INTS14: variants seen among roughly 807,000 people sequenced by gnomAD.
INTS14 encodes integrator complex subunit 14, also known as UPF0464 protein C15orf44.
INTS14 carries 27 observed loss-of-function variants against 56.9 expected under a neutral mutation model. The observed-to-expected ratio is 0.47, with a 90% CI of 0.35 to 0.65. INTS14 has a LOEUF of 0.65. INTS14 is among the 30% of genes least tolerant of loss of function. INTS14 has a pLI of 0.00. For missense variants in INTS14, 517 were observed against 632.2 expected (o/e 0.82, Z 1.95); for synonymous variants, 207 against 236.2 (o/e 0.88, Z 1.13).
chr15:65,579,785 T>A (rs1188847923), intron 11 of INTS14, 126 bp from the exon 12 acceptor site: 11 of 1,372,382 alleles, frequency 8.0e-6, no homozygotes, highest in African/African-American at 1.5e-5. Flanking sequence ...TGAGAACAAA[T>A]GTTTATTTAG....
chr15:65,601,313 G>A lies in INTS14; in HGVS notation c.331-1384C>T, dbSNP rs1478403331. Reference sequence around the variant, plus strand: ...GATTATTTTTGCTCTCCCTAGCCTAGTCCAGTAACTTGATAACAATAGGCC... The same window carrying A: ...GATTATTTTTGCTCTCCCTAGCCTAATCCAGTAACTTGATAACAATAGGCC... On this transcript the variant is annotated intron_variant, in intron 3 of 11. Transcript: ENST00000313182. Among the ~76,000 whole-genome samples, 4 of 152,098 alleles carry A rather than the reference G, an allele frequency of 2.6e-5. No homozygotes were observed. The East Asian group carries it at 7.7e-4, about 29-fold the overall frequency.
intron 5 of INTS14, 174 bp downstream of exon 5, chr15:65,598,698 C>T (rs1264282705): frequency 1.4e-6 from 1 of 695,008 alleles, no homozygotes; most frequent in Non-Finnish European, 2.4e-6. Context: ...TATCTACAGA[C>T]AGTATAGATT....
intron 11 of INTS14, 58 bp from the exon 12 acceptor site, chr15:65,579,717 C>T: frequency 6.4e-7 from 1 of 1,567,560 alleles, no homozygotes; most frequent in Non-Finnish European, 8.7e-7. Flanking sequence ...CACATACTTT[C>T]TAAGTGCTCA....
intron 10 of INTS14, among the ~76,000 whole-genome samples, chr15:65,584,033 T>C (rs1267573573): frequency 6.6e-6 from 1 of 152,186 alleles, no homozygotes; most frequent in Non-Finnish European, 1.5e-5. Flanking sequence ...TAAATAAAGG[T>C]GCTCAAAGGA....
intron 1 of INTS14, chr15:65,610,714 G>A (rs1456568325): frequency 4.6e-6 from 7 of 1,535,520 alleles, no homozygotes; most frequent in South Asian, 1.2e-5. Context: ...GTCAGCCTCC[G>A]GGAGTCCCTC....
At chr15:65,595,159 G>GA (rs1434462049) in intron 7 of INTS14, among the ~76,000 whole-genome samples, 1 of 152,186 alleles carries the variant, frequency 6.6e-6, no homozygotes, top group African/African-American at 2.4e-5. Flanking sequence ...TGCCACCCCT[G>GA]AAAAAGATAA....
At chr15:65,608,961 G>A (rs531154226) in intron 1 of INTS14, among the ~76,000 whole-genome samples, 1 of 152,192 alleles carries the variant, frequency 6.6e-6, no homozygotes. Context: ...GCAGTGGCGC[G>A]ATCTCCGCTC....
intron 1 of INTS14, 160 bp downstream of exon 1, chr15:65,610,938 A>T: frequency 6.8e-7 from 1 of 1,466,068 alleles, no homozygotes; most frequent in Non-Finnish European, 9.0e-7. Flanking sequence ...GGCCGGGAGC[A>T]GCGCCCCGGA....
At chr15:65,587,183 C>T (rs577264411) in intron 9 of INTS14, among the ~76,000 whole-genome samples, 10 of 151,838 alleles carry the variant, frequency 6.6e-5, no homozygotes, top group South Asian at 2.1e-4. Flanking sequence ...TCAAAATATA[C>T]AAGATTTCAA....
chr15:65,607,262 T>G lies in INTS14; in HGVS notation c.119A>C (p.Glu40Ala), dbSNP rs749192011. 6.2e-7 allele frequency: 1 copy of G among 1,614,206 alleles called. No individual in the cohort carries two copies. The highest frequency in any genetic ancestry group is 1.1e-5 in the South Asian group (1 of 91,086). The change falls in exon 2 of 12, where the codon GAG (glutamate) becomes GCG (alanine). Residue 40 changes from glutamate to alanine, a missense_variant. Physicochemically the swap from Glu to Ala is moderately radical, Grantham distance 107 (BLOSUM62 -1). Coordinates refer to ENST00000313182, the MANE Select transcript of INTS14 (RefSeq NM_001394796.1). ...LAAHGLTMLF[E>A]HMATNYKLEF... The stretch of plus-strand genomic sequence containing the variant: ...AAGCTTGTAATTTGTGGCCATGTGC[T>G]CAAACAGCATCGTTAAACCATGGGC...
chr15:65,598,494 G>T, intron 5 of INTS14, 31 bp from the exon 6 acceptor site: 1 of 1,598,216 alleles, frequency 6.3e-7, no homozygotes, highest in South Asian at 1.1e-5. Flanking sequence ...GTTATAGGAA[G>T]AGTAATACGA....
chr15:65,610,658 G>T (rs1043662758), intron 1 of INTS14: 23 of 1,533,404 alleles, frequency 1.5e-5, no homozygotes, highest in Admixed American at 3.9e-5. Context: ...CTCAAAGCAG[G>T]ATTCTACCTG....
intron 8 of INTS14, among the ~76,000 whole-genome samples, chr15:65,592,905 G>A (rs372300920): frequency 6.6e-5 from 10 of 151,984 alleles, no homozygotes; most frequent in South Asian, 2.1e-4. Context: ...TAAAGGCAAC[G>A]TAATTAAAAG....
intron 6 of INTS14, 35 bp downstream of exon 6, chr15:65,598,286 G>C: frequency 6.3e-7 from 1 of 1,589,040 alleles, no homozygotes; most frequent in Non-Finnish European, 8.6e-7. Context: ...AAGGATAACA[G>C]AGAAACTAAG....
rs2073028877 is a variant in INTS14, at chr15:65,591,532, CAG to C, written c.1120+64_1120+65del. 1.9e-6 allele frequency: 3 copies of C among 1,575,828 alleles called. No homozygotes were observed. In the African/African-American group the frequency reaches 4.1e-5, roughly 21 times the overall value. ...TCAATCAGTTCTCTGACTGCACAGTCAGAGACATTGAGAACAGCAGAATGAAA... is the reference window on the plus strand; with the variant it reads ...TCAATCAGTTCTCTGACTGCACAGTCAGACATTGAGAACAGCAGAATGAAA... On this transcript the variant is annotated intron_variant, in intron 9 of 11. Coordinates refer to ENST00000313182, the MANE Select transcript of INTS14 (RefSeq NM_001394796.1).
intron 6 of INTS14, among the ~76,000 whole-genome samples, chr15:65,596,833 G>A (rs992970152): frequency 2.6e-5 from 4 of 152,112 alleles, no homozygotes; most frequent in Admixed American, 1.3e-4. Flanking sequence ...CAAACTGCTG[G>A]GACTACAGGT....
In INTS14 at chr15:65,579,087, C is replaced by G. The variant is rs573600764; in HGVS notation, c.*321G>C. 2.8e-4 allele frequency: 61 copies of G among 218,964 alleles called. No individual in the cohort carries two copies. The highest frequency in any genetic ancestry group is 4.4e-4 in the Non-Finnish European group (49 of 111,110). The allele number at this position is 218,964 out of a possible 1,614,324, so 13.6% of individuals were successfully genotyped here. A position where few individuals can be genotyped will look rare whatever the true frequency, so the allele number is the denominator to read the frequency against. ...TTTCAGGAAGCCAGAGAGCCCCTGCCGGTCAGGTTTCCTGAGGAAGGCAGG... is the reference window on the plus strand; with the variant it reads ...TTTCAGGAAGCCAGAGAGCCCCTGCGGGTCAGGTTTCCTGAGGAAGGCAGG... On this transcript the variant is annotated 3_prime_UTR_variant, in exon 12 of 12. Transcript: ENST00000313182.
chr15:65,595,781 G>C lies in INTS14; in HGVS notation c.793C>G (p.Pro265Ala). Residue 265 changes from proline (P) to alanine (A), a missense_variant, in exon 7 of 12, where the codon CCC becomes GCC. Coordinates refer to ENST00000313182, the MANE Select transcript of INTS14 (RefSeq NM_001394796.1). ...GFIDIADISS[P>A]PVLSRHLVLP... is the part of the protein sequence containing the mutation. The stretch of plus-strand genomic sequence containing the variant: ...ACCAGATGTCTGGACAGAACTGGGG[G>C]ACTTGAAATATCAGCTATATCAATA... The C allele has an allele frequency of 6.2e-7, 1 of 1,609,532 alleles. No homozygotes were observed. Among genetic ancestry groups the C allele is most frequent in the Non-Finnish European group, 8.5e-7 (1 of 1,178,716 alleles).
chr15:65,584,807 T>G lies in INTS14; in HGVS notation c.1202A>C (p.Gln401Pro). 1.2e-6 allele frequency: 2 copies of G among 1,613,516 alleles called. No individual in the cohort carries two copies. Among genetic ancestry groups the G allele is most frequent in the Non-Finnish European group, 1.7e-6 (2 of 1,179,706 alleles). ...LQPKNKRSYA[Q>P]NVTVWIKPSG... The stretch of plus-strand genomic sequence containing the variant: ...GGGTTTGATCCAGACAGTCACATTC[T>G]GGGCATAACTGCGTTTGTTTTTGGG... The change falls in exon 10 of 12, where the codon CAG becomes CCG. Residue 401 changes from glutamine (Q) to proline (P), a missense_variant. Gln to Pro is a moderately conservative substitution (Grantham distance 76). Transcript: ENST00000313182.
Sources: gnomAD v4.1 joint callset for allele counts (sites outside exome capture counted in the v4.1 genomes callset) on GRCh38, gnomAD v4.1.1 for gene constraint, MANE v1.5 for transcripts, NCBI Gene and HGNC (gene_info 2026-07-23, HGNC 2026-07-21) for gene names.